The following MAPRE2 variants were observed in gnomAD, a reference collection of about 807,000 sequenced individuals.
MAPRE2 encodes microtubule associated protein RP/EB family member 2.
In MAPRE2, 13 loss-of-function variants were observed where a neutral mutation model predicts 43.2. The ratio of observed to expected loss-of-function variants is 0.30; its 90% confidence interval spans 0.20 to 0.48. MAPRE2 has a LOEUF of 0.48. MAPRE2 is among the 20% of genes least tolerant of loss of function. The pLI is 0.99. For missense variants in MAPRE2, 161 were observed against 400.2 expected (o/e 0.40, Z 5.10); for synonymous variants, 135 against 148.8 (o/e 0.91, Z 0.68).
Position 35,140,477 on chromosome 18 carries a change from G to A in MAPRE2, c.*108G>A. ...AACAGAAACCAGTTGTTCCCAATCT[G>A]CCGTTACCATCAACGCACTGTTGCA... On this transcript the variant is annotated 3_prime_UTR_variant, in exon 7 of 7. Coordinates refer to ENST00000300249, the MANE Select transcript of MAPRE2 (RefSeq NM_014268.4). The A allele has an allele frequency of 2.8e-6, 3 of 1,076,692 alleles. No individual in the cohort carries two copies. The highest frequency in any genetic ancestry group is 4.1e-6 in the Non-Finnish European group (3 of 738,366). The allele number at this position is 1,076,692 out of a possible 1,614,324, so 66.7% of individuals were successfully genotyped here. A position where few individuals can be genotyped will look rare whatever the true frequency, so the allele number is the denominator to read the frequency against.
chr18:35,035,728 C>A (rs1001739972), intron 2 of MAPRE2, among the ~76,000 whole-genome samples: 9 of 150,200 alleles, frequency 6.0e-5, no homozygotes, highest in Admixed American at 4.0e-4. Context: ...AGACCTGCTT[C>A]TCCTATGGGC....
At chr18:35,075,941 T>C (rs1907331402) in intron 2 of MAPRE2, among the ~76,000 whole-genome samples, 1 of 152,216 alleles carries the variant, frequency 6.6e-6, no homozygotes. Context: ...ATTTACATCT[T>C]GACACTTTGC....
rs1295097258 is a variant in MAPRE2 at position 34,985,071 on chromosome 18, A to T, written c.-70+7992A>T. Among the ~76,000 whole-genome samples the T allele has an allele frequency of 5.8e-3, 511 of 87,360 alleles. 6 individuals are homozygous for T. The highest frequency in any genetic ancestry group is 0.017 in the African/African-American group (347 of 20,286). 57.3% of individuals were successfully genotyped at this position (87,360 alleles called of 152,430 possible). A position where few individuals can be genotyped will look rare whatever the true frequency, so the allele number is the denominator to read the frequency against. Reference sequence around the variant, plus strand: ...AATATATTATATAATATATAAAATAAAATATATTATAAAAATATATATTAT... The same window carrying T: ...AATATATTATATAATATATAAAATATAATATATTATAAAAATATATATTAT... On this transcript the variant is annotated intron_variant, in intron 1 of 7. Coordinates refer to the MAPRE2 transcript ENST00000413393.
intron 4 of MAPRE2, among the ~76,000 whole-genome samples, chr18:35,106,307 TG>T (rs1445981040): frequency 6.6e-6 from 1 of 151,838 alleles, no homozygotes; most frequent in Non-Finnish European, 1.5e-5. Context: ...ATTTTTTTAG[TG>T]GATTTATCTC....
intron 4 of MAPRE2, among the ~76,000 whole-genome samples, chr18:35,124,200 AG>A (rs1479793204): frequency 6.6e-6 from 1 of 152,162 alleles, no homozygotes; most frequent in Non-Finnish European, 1.5e-5. Flanking sequence ...TTATGGCTGA[AG>A]GGGAAGCAAA....
intron 2 of MAPRE2, among the ~76,000 whole-genome samples, chr18:35,025,852 G>T (rs1456118750): frequency 6.6e-6 from 1 of 152,190 alleles, no homozygotes; most frequent in African/African-American, 2.4e-5. Context: ...TACAGAGGAA[G>T]CTTTGCTTAT....
At chr18:35,069,256 T>C (rs1906988075) in intron 1 of MAPRE2, among the ~76,000 whole-genome samples, 1 of 152,176 alleles carries the variant, frequency 6.6e-6, no homozygotes, top group African/African-American at 2.4e-5. Context: ...TATCAAAGAA[T>C]CATAATGTAT....
intron 2 of MAPRE2, among the ~76,000 whole-genome samples, chr18:35,009,580 T>C (rs965258181): frequency 3.9e-5 from 6 of 152,172 alleles, no homozygotes; most frequent in African/African-American, 1.2e-4. Context: ...TTCTGGAAGC[T>C]TGAAGTTTCT....
chr18:35,023,382 GGCGC>G (rs888090788), intron 2 of MAPRE2, among the ~76,000 whole-genome samples: 3 of 151,790 alleles, frequency 2.0e-5, no homozygotes, highest in Non-Finnish European at 4.4e-5. Context: ...TGTGGTGGCA[GGCGC>G]CTGTAGTCCC....
At chr18:35,115,161 G>A (rs1463392673) in intron 4 of MAPRE2, among the ~76,000 whole-genome samples, 1 of 152,144 alleles carries the variant, frequency 6.6e-6, no homozygotes, top group Non-Finnish European at 1.5e-5. Context: ...TGCCTGGCCT[G>A]TAGAAGGTCC....
intron 2 of MAPRE2, among the ~76,000 whole-genome samples, chr18:35,017,244 G>GTTTTTTTT (rs140257488): frequency 1.5e-4 from 19 of 126,268 alleles, no homozygotes; most frequent in African/African-American, 3.4e-4. Context: ...CGGTTTTGTT[G>GTTTTTTTT]TTTTTTTTTT....
In MAPRE2 at chr18:35,097,431, C is replaced by G; in HGVS notation, c.251-15C>G. On this transcript the variant is annotated splice_polypyrimidine_tract_variant and intron_variant, in intron 2 of 6. Transcript: ENST00000300249. Reference sequence around the variant, plus strand: ...CAGTGAGACTCACTCCAGTACTGTTCTTGTTTCTTTCCAGGAGCGGCCTAT... The same window carrying G: ...CAGTGAGACTCACTCCAGTACTGTTGTTGTTTCTTTCCAGGAGCGGCCTAT... 6.2e-7 allele frequency: 1 copy of G among 1,612,610 alleles called. No individual in the cohort carries two copies. Among genetic ancestry groups the G allele is most frequent in the East Asian group, 2.2e-5 (1 of 44,866 alleles).
In MAPRE2 at chr18:35,097,434, G is replaced by A; in HGVS notation, c.251-12G>A. The A allele has an allele frequency of 6.2e-7, 1 of 1,612,980 alleles. No individual in the cohort carries two copies. The highest frequency in any genetic ancestry group is 8.5e-7 in the Non-Finnish European group (1 of 1,179,330). ...TGAGACTCACTCCAGTACTGTTCTT[G>A]TTTCTTTCCAGGAGCGGCCTATTGC... On this transcript the variant is annotated splice_polypyrimidine_tract_variant and intron_variant, in intron 2 of 6. Transcript: ENST00000300249.
chr18:35,004,062 C>T (rs1279544627), intron 1 of MAPRE2, among the ~76,000 whole-genome samples: 1 of 152,168 alleles, frequency 6.6e-6, no homozygotes, highest in Non-Finnish European at 1.5e-5. Flanking sequence ...TGAGATCCTT[C>T]ACTGAGTAGT....
At chr18:35,089,108 G>A (rs1427717651) in intron 2 of MAPRE2, among the ~76,000 whole-genome samples, 2 of 152,204 alleles carry the variant, frequency 1.3e-5, no homozygotes, top group Non-Finnish European at 2.9e-5. Context: ...CATTGCAGGA[G>A]AGAATGAGGA....
chr18:35,069,131 A>C (rs1360915153), intron 1 of MAPRE2, among the ~76,000 whole-genome samples: 3 of 152,202 alleles, frequency 2.0e-5, no homozygotes, highest in Non-Finnish European at 4.4e-5. Context: ...CAATGAGAAA[A>C]ATCCAGAATG....
rs1315365905 is a variant in MAPRE2 at position 35,140,331 on chromosome 18, G to A, written c.946G>A (p.Ala316Thr). 1 of 1,613,748 alleles carries A rather than the reference G, an allele frequency of 6.2e-7. No individual in the cohort carries two copies. The highest frequency in any genetic ancestry group is 1.3e-5 in the African/African-American group (1 of 74,910). The change falls in exon 7 of 7, where the codon GCC becomes ACC. Residue 316 changes from alanine (A) to threonine (T), a missense_variant. Transcript: ENST00000300249. Reference sequence around the variant, plus strand: ...AGAAGAGCCGGAAGCAGAGGAGCAAGCCCACGAACAGCAGCCCCCGCAGCA... The same window carrying A: ...AGAAGAGCCGGAAGCAGAGGAGCAAACCCACGAACAGCAGCCCCCGCAGCA... ...HTEEPEAEEQAHEQQPPQQEE... is the reference protein window; with the variant it reads ...HTEEPEAEEQTHEQQPPQQEE...
chr18:35,008,239 A>G (rs2097032766), intron 2 of MAPRE2, among the ~76,000 whole-genome samples: 1 of 152,148 alleles, frequency 6.6e-6, no homozygotes, highest in African/African-American at 2.4e-5. Flanking sequence ...ATAGCTCATT[A>G]GTAGGCAATT....
rs73946532 is a variant in MAPRE2 at position 35,130,519 on chromosome 18, A to G, written c.751-1513A>G. Among the ~76,000 whole-genome samples, 440 of 152,268 alleles carry G rather than the reference A, an allele frequency of 2.9e-3. 3 individuals carry two copies. The highest frequency in any genetic ancestry group is 0.01 in the African/African-American group (427 of 41,544). On this transcript the variant is annotated intron_variant, in intron 5 of 6. Coordinates refer to ENST00000300249, the MANE Select transcript of MAPRE2 (RefSeq NM_014268.4). ...ATGGGCTCAGTGTGTGTTTGAATGAATCAGTAATTCCAGATGGATAAAGCA... is the reference window on the plus strand; with the variant it reads ...ATGGGCTCAGTGTGTGTTTGAATGAGTCAGTAATTCCAGATGGATAAAGCA...
Sources: gnomAD v4.1 joint callset for allele counts (sites outside exome capture counted in the v4.1 genomes callset) on GRCh38, gnomAD v4.1.1 for gene constraint, MANE v1.5 for transcripts, NCBI Gene and HGNC (gene_info 2026-07-23, HGNC 2026-07-21) for gene names.